Variants in ACY3 observed in about 807,000 individuals in gnomAD.
ACY3 encodes the protein N-acyl-aromatic-L-amino acid amidohydrolase (carboxylate-forming).
ACY3 carries 20 observed loss-of-function variants against 24.6 expected under a neutral mutation model. The ratio of observed to expected loss-of-function variants is 0.81; its 90% confidence interval spans 0.57 to 1.18. ACY3 has a LOEUF of 1.18. Ranked by LOEUF, ACY3 falls within the 50% of genes most tolerant of loss-of-function variation. ACY3 has a pLI of 0.00. For missense variants in ACY3, 423 were observed against 426.8 expected, an observed-to-expected ratio of 0.99 and a Z score of 0.08; for synonymous variants, 174 against 188.4, an observed-to-expected ratio of 0.92 and a Z score of 0.62.
chr11:67,645,364 A>G lies in ACY3; in HGVS notation c.449T>C (p.Leu150Pro). 1 of 1,613,508 alleles carries G rather than the reference A, an allele frequency of 6.2e-7. No homozygotes were observed. Among genetic ancestry groups the G allele is most frequent in the Non-Finnish European group, 8.5e-7 (1 of 1,179,966 alleles). ...CRHLQLQYPE[L>P]SCQVFLYQRS... ...CTGGTACAGGAAGACCTGGCAGGAC[A>G]GCTCGGGGTACTGCAGCTGGGGGCG... Residue 150 changes from leucine (L) to proline (P), a missense_variant, in exon 5 of 8, where the codon CTG becomes CCG. Physicochemically the swap from Leu to Pro is moderately conservative, Grantham distance 98. Coordinates refer to ENST00000255082, the MANE Select transcript of ACY3 (RefSeq NM_080658.2).
At chr11:67,647,880 C>G (rs1360714558) in intron 1 of ACY3, among the ~76,000 whole-genome samples, 1 of 152,154 alleles carries the variant, frequency 6.6e-6, no homozygotes, top group East Asian at 1.9e-4. Flanking sequence ...TTTTGGTCAC[C>G]ACCAGAGCAG....
intron 1 of ACY3, among the ~76,000 whole-genome samples, chr11:67,649,183 G>C (rs897976274): frequency 6.6e-6 from 1 of 152,124 alleles, no homozygotes; most frequent in Non-Finnish European, 1.5e-5. Flanking sequence ...GCTTGGGGTA[G>C]GGGTCTCAGG....
At chr11:67,650,246 C>A (rs1487782869) in intron 1 of ACY3, among the ~76,000 whole-genome samples, 1 of 152,140 alleles carries the variant, frequency 6.6e-6, no homozygotes, top group African/African-American at 2.4e-5. Context: ...CCCCCTGTGT[C>A]AGCATCCAAT....
intron 1 of ACY3, among the ~76,000 whole-genome samples, chr11:67,648,521 C>T (rs965438596): frequency 6.6e-6 from 1 of 152,178 alleles, no homozygotes; most frequent in Non-Finnish European, 1.5e-5. Context: ...GGGAGTGAGG[C>T]AAGCTGCTCC....
intron 4 of ACY3, 116 bp downstream of exon 4, chr11:67,645,576 G>T: frequency 7.4e-7 from 1 of 1,358,118 alleles, no homozygotes; most frequent in South Asian, 1.5e-5. Context: ...CTGGAGCCCA[G>T]GGGAAACTAG....
Position 67,645,118 on chromosome 11 carries a change from C to T in ACY3, c.561G>A (p.Leu187=). 1 of 1,613,560 alleles carries T rather than the reference C, an allele frequency of 6.2e-7. No homozygotes were observed. Among genetic ancestry groups the T allele is most frequent in the East Asian group, 2.2e-5 (1 of 44,882 alleles). The change falls in exon 6 of 8, where the codon CTG becomes CTA. Residue 187 remains leucine, a synonymous_variant. Coordinates refer to ENST00000255082, the MANE Select transcript of ACY3 (RefSeq NM_080658.2). Reference sequence around the variant, plus strand: ...TCATCCTTGAGAAAATGTCAGCCCGCAGCACACCCTGTGGCTGGGGGCCCA... The same window carrying T: ...TCATCCTTGAGAAAATGTCAGCCCGTAGCACACCCTGTGGCTGGGGGCCCA... ...LELGPQPQGV[L]RADIFSRMRT... is the part of the protein sequence containing the mutation.
chr11:67,645,368 C>A lies in ACY3; in HGVS notation c.445G>T (p.Glu149Ter), dbSNP rs76819752. 3 of 1,613,380 alleles carry A rather than the reference C, an allele frequency of 1.9e-6. No individual in the cohort carries two copies. Among genetic ancestry groups the A allele is most frequent in the East Asian group, 2.2e-5 (1 of 44,874 alleles). Residue 149 changes from glutamate to a stop codon, truncating the protein, a stop_gained, in exon 5 of 8, where the codon GAG becomes TAG. Transcript: ENST00000255082. LOFTEE classifies it high-confidence loss of function. ...LCRHLQLQYP[E>*]LSCQVFLYQR... ...TACAGGAAGACCTGGCAGGACAGCT[C>A]GGGGTACTGCAGCTGGGGGCGAGAG...
intron 5 of ACY3, 24 bp downstream of exon 5, chr11:67,645,263 A>G (rs770796193): frequency 1.9e-6 from 3 of 1,611,976 alleles, no homozygotes; most frequent in South Asian, 1.1e-5. Flanking sequence ...GGCCCCGCCC[A>G]CTTCTCAGAA....
Position 67,644,732 on chromosome 11 carries a change from CCACACACACACA to C in ACY3, c.744+16_744+27del, listed in dbSNP as rs3223257. The C allele has an allele frequency of 2.7e-5, 36 of 1,317,642 alleles. No homozygotes were observed. In the Admixed American group the frequency reaches 3.8e-4, roughly 14 times the overall value. The allele number at this position is 1,317,642 out of a possible 1,614,324, so 81.6% of individuals were successfully genotyped here. ...CTGTGGCCCCAGAAATCACCCCCCA[CCACACACACACA>C]CACACACACACACACCTGCAGCTGA... On this transcript the variant is annotated intron_variant, in intron 7 of 7. Coordinates refer to ENST00000255082, the MANE Select transcript of ACY3 (RefSeq NM_080658.2).
Position 67,642,568 on chromosome 11 carries a change from C to G in ACY3, c.*156G>C. 1 of 726,998 alleles carries G rather than the reference C, an allele frequency of 1.4e-6. No individual in the cohort carries two copies. Among genetic ancestry groups the G allele is most frequent in the Non-Finnish European group, 2.4e-6 (1 of 423,706 alleles). The allele number at this position is 726,998 out of a possible 1,614,324, so 45.0% of individuals were successfully genotyped here. The stretch of plus-strand genomic sequence containing the variant: ...AAACCATGGACCTCTGGACATCTTC[C>G]ATTTTATAGAAAGGGAAATTGAGGC... On this transcript the variant is annotated 3_prime_UTR_variant, in exon 8 of 8. Transcript: ENST00000255082.
chr11:67,644,794 C>T lies in ACY3; in HGVS notation c.710G>A (p.Gly237Glu). 6.4e-7 allele frequency: 1 copy of T among 1,562,732 alleles called. No individual in the cohort carries two copies. The highest frequency in any genetic ancestry group is 8.7e-7 in the Non-Finnish European group (1 of 1,153,902). Residue 237 changes from glycine (G) to glutamate (E), a missense_variant, in exon 7 of 8, where the codon GGG (glycine) becomes GAG (glutamate). Coordinates refer to ENST00000255082, the MANE Select transcript of ACY3 (RefSeq NM_080658.2). The stretch of plus-strand genomic sequence containing the variant: ...AGGATGCACAGTGCCTGCCAGGTGC[C>T]CGGCCTCGGTGCGGGGGAAGTCCAC... Reference protein sequence around the residue: ...GVVDFPRTEAGHLAGTVHPQL... With the variant: ...GVVDFPRTEAEHLAGTVHPQL...
At chr11:67,647,356 C>T (rs1027876095) in intron 2 of ACY3, among the ~76,000 whole-genome samples, 160 bp downstream of exon 2, 8 of 152,162 alleles carry the variant, frequency 5.3e-5, no homozygotes, top group Non-Finnish European at 7.3e-5. Flanking sequence ...GACTGCGCTC[C>T]TTTTTATAGA....
rs201691771 is a variant in ACY3 at position 67,644,795 on chromosome 11, C to T, written c.709G>A (p.Gly237Arg). The T allele has an allele frequency of 5.5e-5, 86 of 1,563,106 alleles. No homozygotes were observed. The highest frequency in any genetic ancestry group is 1.5e-4 in the South Asian group (13 of 85,642). ...GVVDFPRTEA[G>R]HLAGTVHPQL... ...GGATGCACAGTGCCTGCCAGGTGCC[C>T]GGCCTCGGTGCGGGGGAAGTCCACG... The change falls in exon 7 of 8, where the codon GGG (glycine) becomes AGG (arginine). Residue 237 changes from glycine (G) to arginine (R), a missense_variant. Gly to Arg is a moderately radical substitution (Grantham distance 125). Coordinates refer to ENST00000255082, the MANE Select transcript of ACY3 (RefSeq NM_080658.2).
intron 6 of ACY3, 68 bp from the exon 7 acceptor site, chr11:67,644,937 G>A (rs1329365859): frequency 6.3e-7 from 1 of 1,586,028 alleles, no homozygotes; most frequent in African/African-American, 1.3e-5. Context: ...GGGCCGTGGG[G>A]GTACGTCAGG....
chr11:67,645,651 C>T lies in ACY3; in HGVS notation c.432+41G>A, dbSNP rs749200841. The T allele has an allele frequency of 1.9e-6, 3 of 1,549,824 alleles. No homozygotes were observed. The African/African-American group carries it at 4.1e-5, about 21-fold the overall frequency. On this transcript the variant is annotated intron_variant, in intron 4 of 7. Transcript: ENST00000255082. The stretch of plus-strand genomic sequence containing the variant: ...TGTCCCGCCTGCCCTCCCTCCCTCC[C>T]ACTCCCCTCTGGGGAGCTGTGTGCT...
chr11:67,645,767 C>G lies in ACY3; in HGVS notation c.357G>C (p.Thr119=). ...CGATTAAGCAGGTGCCCATGTTGGC[C>G]GTGGTGTTGTGCAGGTCAAGGACAA... ...FDFVLDLHNT[T]ANMGTCLIAK... Residue 119 remains threonine, a synonymous_variant, in exon 4 of 8, where the codon ACG becomes ACC. Coordinates refer to ENST00000255082, the MANE Select transcript of ACY3 (RefSeq NM_080658.2). 1 of 1,613,914 alleles carries G rather than the reference C, an allele frequency of 6.2e-7. No homozygotes were observed. Among genetic ancestry groups the G allele is most frequent in the South Asian group, 1.1e-5 (1 of 91,070 alleles).
At position 67,645,861 on chromosome 11, in the gene ACY3, T is replaced by C; in HGVS notation, c.263A>G (p.Tyr88Cys). 2 of 1,609,978 alleles carry C rather than the reference T, an allele frequency of 1.2e-6. No homozygotes were observed. Among genetic ancestry groups the C allele is most frequent in the Non-Finnish European group, 1.7e-6 (2 of 1,178,004 alleles). Reference sequence around the variant, plus strand: ...CAGCTCTCGGGCTCTTGTCACCTCATATGGGTCGTCCGGGGTGGGCCTGGA... The same window carrying C: ...CAGCTCTCGGGCTCTTGTCACCTCACATGGGTCGTCCGGGGTGGGCCTGGA... ...LNSRPTPDDP[Y>C]EVTRARELNQ... Residue 88 changes from tyrosine (Y) to cysteine (C), a missense_variant, in exon 4 of 8, where the codon TAT becomes TGT. Transcript: ENST00000255082.
chr11:67,650,556 C>G (rs987174677), intron 1 of ACY3, 27 bp downstream of exon 1: 1 of 152,150 alleles, frequency 6.6e-6, no homozygotes, highest in South Asian at 2.1e-4. Context: ...AGCAGTGGGC[C>G]GCGGCACCTT....
chr11:67,649,846 G>A (rs957377452), intron 1 of ACY3, among the ~76,000 whole-genome samples: 1 of 150,356 alleles, frequency 6.7e-6, no homozygotes. Flanking sequence ...ACATGTGTGC[G>A]TGTGTGCATG....
Sources: gnomAD v4.1 joint callset for allele counts (sites outside exome capture counted in the v4.1 genomes callset) on GRCh38, gnomAD v4.1.1 for gene constraint, MANE v1.5 for transcripts, NCBI Gene and HGNC (gene_info 2026-07-23, HGNC 2026-07-21) for gene names.